CHD9: variants seen among roughly 807,000 people sequenced by gnomAD.
CHD9 encodes chromodomain helicase DNA binding protein 9.
CHD9 carries 77 observed loss-of-function variants against 316.1 expected under a neutral mutation model. The ratio of observed to expected loss-of-function variants is 0.24; its 90% CI spans 0.20 to 0.29. The LOEUF (loss-of-function observed/expected upper bound fraction) is 0.29. Ranked by LOEUF, CHD9 falls within the 10% of genes least tolerant of loss-of-function variation. The probability of loss-of-function intolerance (pLI) is 1.00; values close to 1 mark genes in which losing one functional copy is unlikely to be tolerated. For synonymous variants in CHD9, 1,129 were observed against 1,158.3 expected (o/e 0.97, Z 0.51); for missense variants, 2,763 against 3,438.1 (o/e 0.80, Z 4.91).
chr16:53,099,530 G>C (rs1434515736), intron 1 of CHD9, among the ~76,000 whole-genome samples: 1 of 152,056 alleles, frequency 6.6e-6, no homozygotes, highest in African/African-American at 2.4e-5. Flanking sequence ...ATGGATTTGT[G>C]TTCCACCTTA....
At chr16:53,138,150 G>T (rs1178742694) in intron 1 of CHD9, among the ~76,000 whole-genome samples, 1 of 152,158 alleles carries the variant, frequency 6.6e-6, no homozygotes, top group East Asian at 1.9e-4. Flanking sequence ...AGAGACTTAA[G>T]CTATTACTTT....
intron 2 of CHD9, among the ~76,000 whole-genome samples, chr16:53,176,957 T>TTA (rs937774684): frequency 5.3e-5 from 8 of 152,076 alleles, no homozygotes; most frequent in Non-Finnish European, 1.2e-4. Flanking sequence ...TTATTTAATT[T>TTA]TATATATATA....
chr16:53,240,349 C>T (rs2048986607), intron 12 of CHD9, among the ~76,000 whole-genome samples: 1 of 152,096 alleles, frequency 6.6e-6, no homozygotes, highest in African/African-American at 2.4e-5. Flanking sequence ...AACAAAGTTA[C>T]AATTTTAATA....
intron 4 of CHD9, among the ~76,000 whole-genome samples, chr16:53,223,920 A>G (rs1267016431): frequency 6.6e-6 from 1 of 152,144 alleles, no homozygotes; most frequent in African/African-American, 2.4e-5. Flanking sequence ...CTGGAAATCT[A>G]AAAATGTGAT....
intron 38 of CHD9, among the ~76,000 whole-genome samples, chr16:53,323,335 G>C (rs968341805): frequency 6.6e-6 from 1 of 152,242 alleles, no homozygotes; most frequent in Middle Eastern, 3.4e-3. Flanking sequence ...TACATATGTG[G>C]CTTACATTGT....
At chr16:53,208,194 T>C (rs1242069209) in intron 2 of CHD9, 26 of 1,142,892 alleles carry the variant, frequency 2.3e-5, no homozygotes, top group Non-Finnish European at 2.8e-5. Context: ...TTGTGGAGGG[T>C]TGTGCATCTC....
chr16:53,318,846 T>G (rs550360751), intron 37 of CHD9, among the ~76,000 whole-genome samples: 1 of 152,332 alleles, frequency 6.6e-6, no homozygotes, highest in South Asian at 2.1e-4. Context: ...ACCACTCACA[T>G]TATAGCCATC....
At chr16:53,096,283 G>A (rs1016306299) in intron 1 of CHD9, among the ~76,000 whole-genome samples, 5 of 152,014 alleles carry the variant, frequency 3.3e-5, no homozygotes, top group Non-Finnish European at 5.9e-5. Context: ...TTAGGACCAC[G>A]TCACTGTCTT....
At position 53,303,988 on chromosome 16, in the gene CHD9, T is replaced by C. The variant is rs2055688172; in HGVS notation, c.5982T>C (p.Phe1994=). ...TTCTTCGTGATCCTGAACTCTCATT[T>C]ATGGCAGCTCAGAGGAACTACAGTC... ...YHILRDPELS[F]MAAQRNYSQS... Residue 1994 remains phenylalanine (F), a synonymous_variant, in exon 31 of 39, where the codon TTT becomes TTC. Coordinates refer to ENST00000447540, the MANE Select transcript of CHD9 (RefSeq NM_001308319.2). 6.2e-7 allele frequency: 1 copy of C among 1,613,916 alleles called. No homozygotes were observed. The highest frequency in any genetic ancestry group is 1.3e-5 in the African/African-American group (1 of 74,942).
intron 1 of CHD9, among the ~76,000 whole-genome samples, chr16:53,110,518 T>A (rs1375735110): frequency 6.6e-6 from 1 of 152,226 alleles, no homozygotes; most frequent in East Asian, 1.9e-4. Flanking sequence ...CCCAGCACTT[T>A]GGGAGGCCAA....
chr16:53,069,734 A>G (rs1247624044), intron 1 of CHD9, among the ~76,000 whole-genome samples: 1 of 152,206 alleles, frequency 6.6e-6, no homozygotes, highest in African/African-American at 2.4e-5. Context: ...CCTACTTGCA[A>G]TTCTGTTGAA....
intron 24 of CHD9, among the ~76,000 whole-genome samples, chr16:53,274,947 A>G (rs1448775860): frequency 6.6e-6 from 1 of 152,198 alleles, no homozygotes. Context: ...GTCACAACGT[A>G]ACAATAGTAG....
intron 1 of CHD9, among the ~76,000 whole-genome samples, chr16:53,108,374 G>A (rs570633173): frequency 1.1e-4 from 16 of 151,824 alleles, no homozygotes; most frequent in Non-Finnish European, 2.2e-4. Context: ...GTGCGGTGGT[G>A]TGCACCTATA....
At chr16:53,135,805 G>A (rs2039671126) in intron 1 of CHD9, among the ~76,000 whole-genome samples, 1 of 152,132 alleles carries the variant, frequency 6.6e-6, no homozygotes, top group Non-Finnish European at 1.5e-5. Flanking sequence ...ATTTATGTTA[G>A]AAAAACTGGT....
chr16:53,311,959 C>T (rs973259685), intron 34 of CHD9: 2 of 152,174 alleles, frequency 1.3e-5, no homozygotes, highest in African/African-American at 2.4e-5. Flanking sequence ...GTGTTAATTA[C>T]ATCTAAAATA....
intron 2 of CHD9, among the ~76,000 whole-genome samples, chr16:53,187,411 T>C (rs2044115733): frequency 6.6e-6 from 1 of 151,986 alleles, no homozygotes. Context: ...GAGGCTGAGG[T>C]GAGATGATCT....
intron 1 of CHD9, among the ~76,000 whole-genome samples, chr16:53,145,074 G>C (rs60901925): frequency 2.0e-5 from 3 of 150,916 alleles, no homozygotes; most frequent in African/African-American, 4.9e-5. Flanking sequence ...TATGTCCATA[G>C]AAAAGAATTA....
At position 53,247,294 on chromosome 16, in the gene CHD9, T is replaced by A. The variant is rs1482605999; in HGVS notation, c.3456T>A (p.Gly1152=). 6.3e-7 allele frequency: 1 copy of A among 1,588,302 alleles called. No homozygotes were observed. The highest frequency in any genetic ancestry group is 8.6e-7 in the Non-Finnish European group (1 of 1,164,528). Residue 1152 remains glycine (G), a splice_region_variant and synonymous_variant, in exon 16 of 39, where the codon GGT becomes GGA. Coordinates refer to ENST00000447540, the MANE Select transcript of CHD9 (RefSeq NM_001308319.2). The part of the protein sequence containing the change: ...KCCNHPYLIK[G]AEEKILGEFR... ...TATCTTCTCCTATTTCTTTGACAGG[T>A]GCTGAGGAGAAAATACTTGGAGAAT... is the stretch of plus-strand genomic sequence containing the variant.
intron 38 of CHD9, among the ~76,000 whole-genome samples, 175 bp downstream of exon 38, chr16:53,321,805 A>G (rs918263203): frequency 1.3e-5 from 2 of 152,134 alleles, no homozygotes; most frequent in African/African-American, 4.8e-5. Flanking sequence ...TTCTCAGGTT[A>G]GAACAGAAAA....
Sources: gnomAD v4.1 joint callset for allele counts (sites outside exome capture counted in the v4.1 genomes callset) on GRCh38, gnomAD v4.1.1 for gene constraint, MANE v1.5 for transcripts, NCBI Gene and HGNC (gene_info 2026-07-23, HGNC 2026-07-21) for gene names.